The following SCOC variants were observed in gnomAD, a reference collection of about 807,000 sequenced individuals.
The protein encoded by SCOC is short coiled-coil protein.
A neutral mutation model predicts 9.9 loss-of-function variants in SCOC; 7 were observed. The observed-to-expected ratio is 0.71, with a 90% CI of 0.40 to 1.33. The LOEUF (loss-of-function observed/expected upper bound fraction) is 1.33. Ranked by LOEUF, SCOC falls within the 40% of genes most tolerant of loss-of-function variation. The probability of loss-of-function intolerance (pLI) is 0.01; values close to 1 mark genes in which losing one functional copy is unlikely to be tolerated. For missense variants in SCOC, 66 were observed against 89.7 expected (o/e 0.74, Z 1.07); for synonymous variants, 19 against 28.2 (o/e 0.67, Z 1.03).
At chr4:140,355,211 TTATATA>T (rs34322076) in intron 2 of SCOC, among the ~76,000 whole-genome samples, 6 of 61,424 alleles carry the variant, frequency 9.8e-5, no homozygotes, top group Admixed American at 1.9e-4. Context: ...CATTATATTT[TTATATA>T]TATATATATA....
chr4:140,352,375 G>A (rs914734266), intron 2 of SCOC, among the ~76,000 whole-genome samples: 1 of 152,130 alleles, frequency 6.6e-6, no homozygotes, highest in Non-Finnish European at 1.5e-5. Context: ...TAAAATATCT[G>A]TTCCTGTAAG....
intron 1 of SCOC, among the ~76,000 whole-genome samples, chr4:140,266,044 T>C (rs1312678728): frequency 6.6e-6 from 1 of 152,202 alleles, no homozygotes; most frequent in African/African-American, 2.4e-5. Context: ...TGCTCTCTGC[T>C]GGGTAGGCCT....
At position 140,292,363 on chromosome 4, in the gene SCOC, ATATT is replaced by A. The variant is rs1731502281; in HGVS notation, c.-19+34956_-19+34959del. Reference sequence around the variant, plus strand: ...GCCACCATGCCCAGCTAATTTTTGTATATTTAGTAGAGACAGGGTTTTGTCATGT... The same window carrying A: ...GCCACCATGCCCAGCTAATTTTTGTATAGTAGAGACAGGGTTTTGTCATGT... On this transcript the variant is annotated intron_variant, in intron 1 of 4. Transcript: ENST00000394205. Among the ~76,000 whole-genome samples the A allele has an allele frequency of 2.0e-5, 3 of 151,982 alleles. No individual in the cohort carries two copies. In the South Asian group the frequency reaches 6.3e-4, roughly 32 times the overall value.
intron 1 of SCOC, among the ~76,000 whole-genome samples, chr4:140,288,048 GC>G (rs1298662780): frequency 1.3e-5 from 2 of 151,752 alleles, no homozygotes; most frequent in East Asian, 3.9e-4. Context: ...ACACACATAT[GC>G]CACATACAAC....
chr4:140,288,594 C>T (rs1731372731), intron 1 of SCOC, among the ~76,000 whole-genome samples: 1 of 151,900 alleles, frequency 6.6e-6, no homozygotes, highest in Admixed American at 6.6e-5. Context: ...ACTCACATAT[C>T]ACACATCACA....
chr4:140,259,233 T>C (rs1254148520), intron 1 of SCOC, among the ~76,000 whole-genome samples: 2 of 152,234 alleles, frequency 1.3e-5, no homozygotes, highest in African/African-American at 4.8e-5. Flanking sequence ...GATTCCTCTC[T>C]CTTTTGCAAC....
At chr4:140,278,092 C>T (rs1255106696) in intron 1 of SCOC, among the ~76,000 whole-genome samples, 1 of 152,154 alleles carries the variant, frequency 6.6e-6, no homozygotes. Context: ...TTAGTCTGCT[C>T]CTGTTGCTAT....
chr4:140,343,834 T>G, intron 2 of SCOC: 1 of 576,368 alleles, frequency 1.7e-6, no homozygotes, highest in Non-Finnish European at 2.9e-6. Context: ...TGAAAAAATA[T>G]AGTTACAAAA....
At chr4:140,349,723 A>G (rs1037501315) in intron 2 of SCOC, among the ~76,000 whole-genome samples, 6 of 152,200 alleles carry the variant, frequency 3.9e-5, no homozygotes, top group Non-Finnish European at 8.8e-5. Context: ...ATGTTTCTCA[A>G]ATAAATCTGG....
intron 1 of SCOC, among the ~76,000 whole-genome samples, chr4:140,336,633 G>A (rs1427442296): frequency 6.6e-6 from 1 of 152,120 alleles, no homozygotes; most frequent in African/African-American, 2.4e-5. Context: ...CTCCATTGAT[G>A]GGCATTTGGG....
At chr4:140,259,049 T>C (rs1730572309) in intron 1 of SCOC, among the ~76,000 whole-genome samples, 1 of 152,234 alleles carries the variant, frequency 6.6e-6, no homozygotes, top group African/African-American at 2.4e-5. Context: ...TAGCAGCATT[T>C]AATACAGAAA....
chr4:140,258,614 T>C (rs2126382618), intron 1 of SCOC, among the ~76,000 whole-genome samples: 1 of 152,328 alleles, frequency 6.6e-6, no homozygotes, highest in African/African-American at 2.4e-5. Flanking sequence ...CAGAGATTCA[T>C]TCATTGTAGA....
chr4:140,314,626 G>A (rs186463870), intron 1 of SCOC: 2 of 152,182 alleles, frequency 1.3e-5, no homozygotes, highest in African/African-American at 4.8e-5. Flanking sequence ...GAATTCTCAT[G>A]AATTCTTATG....
chr4:140,358,278 T>C (rs1481866679), intron 2 of SCOC, among the ~76,000 whole-genome samples: 1 of 152,256 alleles, frequency 6.6e-6, no homozygotes, highest in Admixed American at 6.5e-5. Flanking sequence ...CATTACCAGA[T>C]AGTTACGATC....
At chr4:140,332,119 G>A (rs1397352849) in intron 1 of SCOC, among the ~76,000 whole-genome samples, 1 of 151,980 alleles carries the variant, frequency 6.6e-6, no homozygotes, top group African/African-American at 2.4e-5. Flanking sequence ...ATTAGAAACC[G>A]CCCCCGTGAT....
intron 1 of SCOC, among the ~76,000 whole-genome samples, chr4:140,308,485 C>T (rs1486583244): frequency 6.6e-6 from 1 of 152,120 alleles, no homozygotes; most frequent in African/African-American, 2.4e-5. Context: ...CTCCAAGGAG[C>T]CAAGGACATG....
rs1380885532 is a variant in SCOC, at chr4:140,336,599, G to A, written c.-18-7022G>A. Among the ~76,000 whole-genome samples the A allele has an allele frequency of 4.6e-5, 7 of 152,060 alleles. 1 individual carries two copies. The highest frequency in any genetic ancestry group is 8.8e-5 in the Non-Finnish European group (6 of 68,012). ...CTGAATGATATTCCATTGAATGTAC[G>A]TATCACAATTTATTTATCCATTTCT... On this transcript the variant is annotated intron_variant, in intron 1 of 4. Coordinates refer to the SCOC transcript ENST00000394205.
In SCOC at chr4:140,383,496, G is replaced by C. The variant is rs1030962230; in HGVS notation, c.*2392G>C. ...AACGTAAAAATTGTGGAATGCTCCT[G>C]GGAGATGTATGAAGATTTTGTCCCT... On this transcript the variant is annotated 3_prime_UTR_variant, in exon 4 of 4. Transcript: ENST00000608372. 2.6e-5 allele frequency: 4 copies of C among 152,226 alleles called. No individual in the cohort carries two copies. Among genetic ancestry groups the C allele is most frequent in the African/African-American group, 4.8e-5 (2 of 41,462 alleles). 9.4% of individuals were successfully genotyped at this position (152,226 alleles called of 1,614,324 possible). A position where few individuals can be genotyped will look rare whatever the true frequency, so the allele number is the denominator to read the frequency against.
intron 1 of SCOC, among the ~76,000 whole-genome samples, chr4:140,314,910 C>T (rs571058107): frequency 9.8e-5 from 15 of 152,312 alleles, no homozygotes; most frequent in African/African-American, 3.4e-4. Context: ...GCTGAATGTT[C>T]CTTTCCATTT....
Sources: allele counts gnomAD v4.1 joint callset (sites outside exome capture counted in the v4.1 genomes callset), GRCh38; gene constraint gnomAD v4.1.1; transcripts MANE v1.5; gene names NCBI Gene and HGNC (gene_info 2026-07-23, HGNC 2026-07-21).